The following F7 variants were observed in gnomAD, a reference collection of about 807,000 sequenced individuals.
The protein encoded by F7 is coagulation factor VII, also known as FVII coagulation protein.
In F7, 38 loss-of-function variants were observed where a neutral mutation model predicts 47.5. That is an observed-to-expected ratio of 0.80 (90% confidence interval 0.62 to 1.05). The LOEUF (loss-of-function observed/expected upper bound fraction) is 1.05, where lower values mean the gene tolerates loss of function less well. Ranked by LOEUF, F7 falls within the 50% of genes least tolerant of loss-of-function variation. The pLI is 0.00. For synonymous variants in F7, 244 were observed against 258.5 expected, an observed-to-expected ratio of 0.94 and a Z score of 0.54; for missense variants, 575 against 605.4, an observed-to-expected ratio of 0.95 and a Z score of 0.53.
In F7 at chr13:113,118,921, C is replaced by T. The variant is rs1216202834; in HGVS notation, c.1248C>T (p.Thr416=). ...CATVGHFGVY[T]RVSQYIEWLQ... is the part of the protein sequence containing the mutation. Reference sequence around the variant, plus strand: ...CCGTGGGCCACTTTGGGGTGTACACCAGGGTCTCCCAGTACATCGAGTGGC... The same window carrying T: ...CCGTGGGCCACTTTGGGGTGTACACTAGGGTCTCCCAGTACATCGAGTGGC... Residue 416 remains threonine, a synonymous_variant, in exon 8 of 8, where the codon ACC becomes ACT. Coordinates refer to ENST00000346342, the MANE Select transcript of F7 (RefSeq NM_019616.4). 4 of 1,611,696 alleles carry T rather than the reference C, an allele frequency of 2.5e-6. No individual in the cohort carries two copies. The highest frequency in any genetic ancestry group is 3.4e-6 in the Non-Finnish European group (4 of 1,179,894).
At chr13:113,109,990 T>C (rs1217419751) in intron 1 of F7, among the ~76,000 whole-genome samples, 1 of 152,020 alleles carries the variant, frequency 6.6e-6, no homozygotes, top group Non-Finnish European at 1.5e-5. Flanking sequence ...CAAGTAACCG[T>C]CGGGGTTACG....
intron 5 of F7, among the ~76,000 whole-genome samples, chr13:113,116,197 T>C (rs2036190086): frequency 6.6e-6 from 1 of 152,198 alleles, no homozygotes; most frequent in Admixed American, 6.5e-5. Context: ...GAAAATGGGA[T>C]GTTTCTCCAA....
At chr13:113,116,734 C>T (rs368998950) in intron 5 of F7, 32 bp from the exon 6 acceptor site, 12 of 1,491,202 alleles carry the variant, frequency 8.0e-6, no homozygotes, top group Non-Finnish European at 1.1e-5. Context: ...CCTCACAAAT[C>T]TCTGCATCTT....
At position 113,107,272 on chromosome 13, in the gene F7, GGGGCGT is replaced by G. The variant is rs1247515036; in HGVS notation, c.64+1371_64+1376del. The stretch of plus-strand genomic sequence containing the variant: ...GTGTCCCGGGAGTGTGGGTGTCCCG[GGGGCGT>G]GGGTGTCCCAGGAGTGTGGGTGTCC... On this transcript the variant is annotated intron_variant, in intron 1 of 7. Coordinates refer to ENST00000346342, the MANE Select transcript of F7 (RefSeq NM_019616.4). Among the ~76,000 whole-genome samples the G allele has an allele frequency of 6.0e-5, 4 of 67,138 alleles. 1 individual carries two copies. Among genetic ancestry groups the G allele is most frequent in the East Asian group, 7.2e-4 (2 of 2,786 alleles). The allele number at this position is 67,138 out of a possible 152,430, so 44.0% of individuals were successfully genotyped here. A position where few individuals can be genotyped will look rare whatever the true frequency, so the allele number is the denominator to read the frequency against.
At chr13:113,110,278 G>T in intron 1 of F7, 1 of 183,876 alleles carries the variant, frequency 5.4e-6, no homozygotes, top group Non-Finnish European at 1.1e-5. Context: ...GAGGGATTTG[G>T]ATTTCCGCGG....
At position 113,119,453 on chromosome 13, in the gene F7, A is replaced by G. The variant is rs1038249568; in HGVS notation, c.*445A>G. On this transcript the variant is annotated 3_prime_UTR_variant, in exon 8 of 8. Coordinates refer to ENST00000346342, the MANE Select transcript of F7 (RefSeq NM_019616.4). ...GGAGACAGTAGAGGCATGAACACAC[A>G]TGGATGCACACACACACACGCCAAT... is the stretch of plus-strand genomic sequence containing the variant. The G allele has an allele frequency of 8.7e-6, 2 of 229,712 alleles. No individual in the cohort carries two copies. The highest frequency in any genetic ancestry group is 1.0e-4 in the Admixed American group (2 of 19,282). The allele number at this position is 229,712 out of a possible 1,614,324, so 14.2% of individuals were successfully genotyped here. A position where few individuals can be genotyped will look rare whatever the true frequency, so the allele number is the denominator to read the frequency against.
intron 1 of F7, 101 bp downstream of exon 1, chr13:113,106,006 C>A: frequency 9.8e-7 from 1 of 1,020,310 alleles, no homozygotes; most frequent in Non-Finnish European, 1.4e-6. Context: ...CTCCGGACAC[C>A]CCCATCCACC....
In F7 at chr13:113,113,888, T is replaced by G. The variant is rs770921472; in HGVS notation, c.292T>G (p.Ser98Ala). 1 of 1,614,016 alleles carries G rather than the reference T, an allele frequency of 6.2e-7. No individual in the cohort carries two copies. The highest frequency in any genetic ancestry group is 1.3e-5 in the African/African-American group (1 of 74,924). Residue 98 changes from serine to alanine, a missense_variant, in exon 4 of 8, where the codon TCC becomes GCC. Physicochemically the swap from Ser to Ala is moderately conservative, Grantham distance 99 (BLOSUM62 1). Coordinates refer to ENST00000346342, the MANE Select transcript of F7 (RefSeq NM_019616.4). This position sits in a 1 kb window ranked among gnomAD's most constrained non-coding sequence, Gnocchi z 4.1. ...CASSPCQNGG[S>A]CKDQLQSYIC... The stretch of plus-strand genomic sequence containing the variant: ...CTCAAGTCCATGCCAGAATGGGGGC[T>G]CCTGCAAGGACCAGCTCCAGTCCTA...
rs925378767 is a variant in F7, at chr13:113,119,748, C to T, written c.*740C>T. The T allele has an allele frequency of 2.0e-5, 3 of 152,312 alleles. No homozygotes were observed. The highest frequency in any genetic ancestry group is 7.3e-5 in the African/African-American group (3 of 41,276). 9.4% of individuals were successfully genotyped at this position (152,312 alleles called of 1,614,324 possible). The stretch of plus-strand genomic sequence containing the variant: ...ATGCGCACACACACCGATGTACACA[C>T]ACAGATGCACACACAGATGCACACA... On this transcript the variant is annotated 3_prime_UTR_variant, in exon 8 of 8. Transcript: ENST00000346342.
At position 113,113,879 on chromosome 13, in the gene F7, A is replaced by G. The variant is rs121964932; in HGVS notation, c.283A>G (p.Asn95Asp). 6.2e-7 allele frequency: 1 copy of G among 1,614,090 alleles called. No homozygotes were observed. The highest frequency in any genetic ancestry group is 8.5e-7 in the Non-Finnish European group (1 of 1,180,032). The change falls in exon 4 of 8, where the codon AAT (asparagine) becomes GAT (aspartate). Residue 95 changes from asparagine (N) to aspartate (D), a missense_variant. By Grantham distance (23) the Asn-to-Asp change is conservative. Coordinates refer to ENST00000346342, the MANE Select transcript of F7 (RefSeq NM_019616.4). The surrounding 1 kb of genome is among the most constrained non-coding windows in gnomAD (Gnocchi z 4.1). Reference protein sequence around the residue: ...GDQCASSPCQNGGSCKDQLQS... With the variant: ...GDQCASSPCQDGGSCKDQLQS... ...CCAGTGTGCCTCAAGTCCATGCCAG[A>G]ATGGGGGCTCCTGCAAGGACCAGCT... is the stretch of plus-strand genomic sequence containing the variant.
In F7 at chr13:113,118,978, A is replaced by G. The variant is rs1029074080; in HGVS notation, c.1305A>G (p.Pro435=). 1 of 1,602,420 alleles carries G rather than the reference A, an allele frequency of 6.2e-7. No homozygotes were observed. The highest frequency in any genetic ancestry group is 1.1e-5 in the South Asian group (1 of 91,074). ...AGCTCATGCGCTCAGAGCCACGCCC[A>G]GGAGTCCTCCTGCGAGCCCCATTTC... ...LQKLMRSEPR[P]GVLLRAPFP The change falls in exon 8 of 8, where the codon CCA becomes CCG. Residue 435 remains proline, a synonymous_variant. Coordinates refer to ENST00000346342, the MANE Select transcript of F7 (RefSeq NM_019616.4).
In F7 at chr13:113,119,200, A is replaced by G; in HGVS notation, c.*192A>G. On this transcript the variant is annotated 3_prime_UTR_variant, in exon 8 of 8. Transcript: ENST00000346342. ...AGACTGAGGGAGAGACTCTGAGGAC[A>G]TGGAGAGAGACTCAAAGAGACTCCA... The G allele has an allele frequency of 1.6e-6, 1 of 612,698 alleles. No homozygotes were observed. 38.0% of individuals were successfully genotyped at this position (612,698 alleles called of 1,614,324 possible).
Position 113,113,323 on chromosome 13 carries a change from T to A in F7, c.226-429T>A, listed in dbSNP as rs1216507195. ...AGCACCCCGTGAGTTTAAGTTCAGG[T>A]GGCCAACAGTTTCTTCAGCAATCAC... is the stretch of plus-strand genomic sequence containing the variant. On this transcript the variant is annotated intron_variant, in intron 2 of 7. Coordinates refer to ENST00000346342, the MANE Select transcript of F7 (RefSeq NM_019616.4). This position sits in a 1 kb window ranked among gnomAD's most constrained non-coding sequence, Gnocchi z 4.1. Among the ~76,000 whole-genome samples the A allele has an allele frequency of 6.6e-6, 1 of 152,248 alleles. No homozygotes were observed.
In F7 at chr13:113,118,579, C is replaced by G; in HGVS notation, c.906C>G (p.Pro302=). ...LTDHVVPLCL[P]ERTFSERTLA... Reference sequence around the variant, plus strand: ...ACCATGTGGTGCCCCTCTGCCTGCCCGAACGGACGTTCTCTGAGAGGACGC... The same window carrying G: ...ACCATGTGGTGCCCCTCTGCCTGCCGGAACGGACGTTCTCTGAGAGGACGC... The change falls in exon 8 of 8, where the codon CCC becomes CCG. Residue 302 remains proline, a synonymous_variant. Coordinates refer to ENST00000346342, the MANE Select transcript of F7 (RefSeq NM_019616.4). 2 of 1,612,750 alleles carry G rather than the reference C, an allele frequency of 1.2e-6. No individual in the cohort carries two copies. The highest frequency in any genetic ancestry group is 1.3e-5 in the African/African-American group (1 of 75,050).
At chr13:113,112,780 C>A (rs2036127551) in intron 2 of F7, among the ~76,000 whole-genome samples, 1 of 150,902 alleles carries the variant, frequency 6.6e-6, no homozygotes, top group African/African-American at 2.4e-5. Flanking sequence ...TCACCTCAGT[C>A]TTACAGGACA....
chr13:113,107,211 C>G (rs1230193201), intron 1 of F7, among the ~76,000 whole-genome samples: 1 of 151,936 alleles, frequency 6.6e-6, no homozygotes, highest in Admixed American at 6.6e-5. Flanking sequence ...CCAGGGCGGT[C>G]ACCGGCTCTG....
At chr13:113,108,535 C>A (rs1463331575) in intron 1 of F7, among the ~76,000 whole-genome samples, 1 of 16,102 alleles carries the variant, frequency 6.2e-5, no homozygotes, top group Non-Finnish European at 1.1e-4. Context: ...GTCCCGGGGG[C>A]GTGGGTGTCC....
chr13:113,118,348 C>A, intron 7 of F7, 65 bp from the exon 8 acceptor site: 1 of 1,512,802 alleles, frequency 6.6e-7, no homozygotes, highest in Non-Finnish European at 8.9e-7. Flanking sequence ...ACAGCCCATC[C>A]CCATGCACCA....
chr13:113,116,805 G>T lies in F7; in HGVS notation c.545G>T (p.Arg182Ile). Residue 182 changes from arginine (R) to isoleucine (I), a missense_variant, in exon 6 of 8, where the codon AGA becomes ATA. Coordinates refer to ENST00000346342, the MANE Select transcript of F7 (RefSeq NM_019616.4). ...GGAAAAATACCTATTCTAGAAAAAA[G>T]AAATGCCAGCAAACCCCAAGGCCGA... ...PCGKIPILEK[R>I]NASKPQGRIV... The T allele has an allele frequency of 6.2e-7, 1 of 1,613,880 alleles. No individual in the cohort carries two copies. Among genetic ancestry groups the T allele is most frequent in the Non-Finnish European group, 8.5e-7 (1 of 1,179,994 alleles).
Sources: gnomAD v4.1 joint callset for allele counts (sites outside exome capture counted in the v4.1 genomes callset) on GRCh38, gnomAD v4.1.1 for gene constraint, Gnocchi (gnomAD v3.1) non-coding constraint, MANE v1.5 for transcripts, NCBI Gene and HGNC (gene_info 2026-07-23, HGNC 2026-07-21) for gene names.